Variants in ALDH1L1 observed in about 807,000 individuals in gnomAD.
ALDH1L1 encodes cytosolic 10-formyltetrahydrofolate dehydrogenase.
Under a neutral mutation model 101.1 loss-of-function variants are expected in ALDH1L1, and 68 were observed. The observed-to-expected ratio is 0.67, with a 90% CI of 0.55 to 0.82. ALDH1L1 has a LOEUF of 0.82. Ranked by LOEUF, ALDH1L1 falls within the 40% of genes least tolerant of loss-of-function variation. The pLI is 0.00. For missense variants in ALDH1L1, 1,087 were observed against 1,172.7 expected (o/e 0.93, Z 1.07); for synonymous variants, 486 against 470.8 (o/e 1.03, Z -0.42).
At chr3:126,174,358 G>T (rs1481504196) in intron 1 of ALDH1L1, among the ~76,000 whole-genome samples, 1 of 152,208 alleles carries the variant, frequency 6.6e-6, no homozygotes, top group South Asian at 2.1e-4. Context: ...GATCCAGCAG[G>T]CTGGAAATCA....
intron 9 of ALDH1L1, among the ~76,000 whole-genome samples, chr3:126,143,705 A>C (rs2080615017): frequency 6.6e-6 from 1 of 152,326 alleles, no homozygotes; most frequent in East Asian, 1.9e-4. Flanking sequence ...CCTGTAATTC[A>C]AGCACTGTGG....
intron 9 of ALDH1L1, 23 bp from the exon 10 acceptor site, chr3:126,137,983 T>C (rs199706255): frequency 6.2e-7 from 1 of 1,613,570 alleles, no homozygotes; most frequent in South Asian, 1.1e-5. Context: ...GATGGAAAGA[T>C]GGGGACACGG....
intron 13 of ALDH1L1, 133 bp from the exon 14 acceptor site, chr3:126,130,426 G>A: frequency 2.9e-6 from 2 of 701,484 alleles, no homozygotes; most frequent in Non-Finnish European, 4.2e-6. Flanking sequence ...AGGCTTGAGA[G>A]ACAGGCAGGG....
At position 126,154,511 on chromosome 3, in the gene ALDH1L1, A is replaced by T. The variant is rs1460389112; in HGVS notation, c.720+43T>A. The T allele has an allele frequency of 3.2e-6, 5 of 1,575,848 alleles. No individual in the cohort carries two copies. In the South Asian group the frequency reaches 5.5e-5, roughly 17 times the overall value. On this transcript the variant is annotated intron_variant, in intron 6 of 22. Coordinates refer to ENST00000393434, the MANE Select transcript of ALDH1L1 (RefSeq NM_012190.4). ...GTGACAGTTTAATGGCCAGTGGGAT[A>T]CACCAATGCACGTGGCTGGATTCCA...
At chr3:126,109,195 G>A (rs564799804) in intron 20 of ALDH1L1, among the ~76,000 whole-genome samples, 8 of 152,186 alleles carry the variant, frequency 5.3e-5, no homozygotes, top group Admixed American at 1.3e-4. Flanking sequence ...TGCAAGGCCC[G>A]GTCTAGGCAC....
At chr3:126,178,810 G>A (rs1420304994) in intron 1 of ALDH1L1, among the ~76,000 whole-genome samples, 1 of 152,044 alleles carries the variant, frequency 6.6e-6, no homozygotes, top group Admixed American at 6.5e-5. Flanking sequence ...TAAAAGCCTA[G>A]AAGAATTTAC....
intron 22 of ALDH1L1, chr3:126,104,920 A>G (rs1445031879): frequency 6.5e-6 from 1 of 153,570 alleles, no homozygotes; most frequent in African/African-American, 2.4e-5. Flanking sequence ...GGACCTTGCC[A>G]GCCACCCTTG....
chr3:126,157,385 C>G lies in ALDH1L1; in HGVS notation c.486G>C (p.Thr162=), dbSNP rs191961724. 1 of 1,614,060 alleles carries G rather than the reference C, an allele frequency of 6.2e-7. No homozygotes were observed. Among genetic ancestry groups the G allele is most frequent in the Non-Finnish European group, 8.5e-7 (1 of 1,179,996 alleles). Residue 162 remains threonine, a synonymous_variant, in exon 4 of 23, where the codon ACG becomes ACC. Transcript: ENST00000393434. ...CEVLPDDTVS[T]LYNRFLFPEG... is the part of the protein sequence containing the mutation. ...CAGGGAAGAGGAAGCGGTTGTACAG[C>G]GTGCTCACGGTGTCGTCCGGGAGCA...
chr3:126,190,260 T>A (rs2081544262), intron 1 of ALDH1L1, among the ~76,000 whole-genome samples: 1 of 152,202 alleles, frequency 6.6e-6, no homozygotes, highest in South Asian at 2.1e-4. Flanking sequence ...GTGGTAGAAA[T>A]AAATACACCA....
chr3:126,163,766 T>C (rs2081108733), intron 1 of ALDH1L1, among the ~76,000 whole-genome samples: 1 of 152,222 alleles, frequency 6.6e-6, no homozygotes, highest in African/African-American at 2.4e-5. Flanking sequence ...TTGACCATGA[T>C]GTATAACCTT....
Position 126,107,023 on chromosome 3 carries a change from C to T in ALDH1L1, c.2453+118G>A, listed in dbSNP as rs1268948156. On this transcript the variant is annotated intron_variant, in intron 21 of 22. Coordinates refer to ENST00000393434, the MANE Select transcript of ALDH1L1 (RefSeq NM_012190.4). ...GCACAAGCGGGGTGTCCACGGCTTG[C>T]GCCCTGCCTGAGTTCTCCTCCTGAC... is the stretch of plus-strand genomic sequence containing the variant. The T allele has an allele frequency of 6.5e-5, 59 of 904,608 alleles. No homozygotes were observed. In the East Asian group the frequency reaches 9.0e-4, roughly 14 times the overall value. 56.0% of individuals were successfully genotyped at this position (904,608 alleles called of 1,614,324 possible).
chr3:126,195,028 C>T (rs1379012458), intron 1 of ALDH1L1, among the ~76,000 whole-genome samples: 1 of 151,342 alleles, frequency 6.6e-6, no homozygotes, highest in Non-Finnish European at 1.5e-5. Flanking sequence ...AAAAATTTAC[C>T]ATGCGAGATC....
rs762489411 is a variant in ALDH1L1 at position 126,150,480 on chromosome 3, T to C, written c.910A>G (p.Asn304Asp). ...LEDGKMILAS[N>D]FFKGAASSVL... is the part of the protein sequence containing the mutation. ...CTGCTGGCTGCCCCCTTAAAGAAGTTCGAGGCCAGGATCATTTTGCCATCC... is the reference window on the plus strand; with the variant it reads ...CTGCTGGCTGCCCCCTTAAAGAAGTCCGAGGCCAGGATCATTTTGCCATCC... Residue 304 changes from asparagine to aspartate, a missense_variant, in exon 8 of 23, where the codon AAC becomes GAC. This residue lies in a region of ALDH1L1 where 645 missense variants were observed against 637.0 expected (regional missense o/e 1.01). Transcript: ENST00000393434. The C allele has an allele frequency of 1.3e-6, 2 of 1,551,596 alleles. No homozygotes were observed. The highest frequency in any genetic ancestry group is 1.2e-5 in the South Asian group (1 of 84,054).
intron 10 of ALDH1L1, 107 bp downstream of exon 10, chr3:126,137,706 G>T (rs2080477184): frequency 6.9e-7 from 1 of 1,456,080 alleles, no homozygotes; most frequent in Non-Finnish European, 9.2e-7. Context: ...GGCTCCTGGG[G>T]CCCTGGCTTT....
At chr3:126,129,841 C>G (rs1039404798) in intron 14 of ALDH1L1, 2 of 155,838 alleles carry the variant, frequency 1.3e-5, no homozygotes, top group South Asian at 2.0e-4. Context: ...TGGCATCCAG[C>G]GGGGTCCGAA....
intron 22 of ALDH1L1, chr3:126,105,491 T>A (rs4646755): frequency 1.8e-6 from 1 of 561,334 alleles, no homozygotes; most frequent in South Asian, 1.9e-5. Context: ...GCCTCCTGGC[T>A]GGAGTGTCTC....
chr3:126,121,060 A>G (rs1248492555), intron 16 of ALDH1L1, among the ~76,000 whole-genome samples: 9 of 152,196 alleles, frequency 5.9e-5, no homozygotes, highest in Admixed American at 5.9e-4. Context: ...GCCCTGATCC[A>G]AAATGACCAG....
chr3:126,125,621 C>T lies in ALDH1L1; in HGVS notation c.1795G>A (p.Ala599Thr). The change falls in exon 15 of 23, where the codon GCT becomes ACT. Residue 599 changes from alanine (A) to threonine (T), a missense_variant. Transcript: ENST00000393434. ...AAGNTVVIKP[A>T]QVTPLTALKF... ...CAGAGTGAACCCACGCTCACCTGAG[C>T]AGGCTTGATCACCACTGTGTTCCCG... is the stretch of plus-strand genomic sequence containing the variant. 1 of 1,573,642 alleles carries T rather than the reference C, an allele frequency of 6.4e-7. No individual in the cohort carries two copies. The highest frequency in any genetic ancestry group is 1.2e-5 in the South Asian group (1 of 84,720).
chr3:126,157,639 G>T, intron 3 of ALDH1L1, 131 bp from the exon 4 acceptor site: 1 of 976,816 alleles, frequency 1.0e-6, no homozygotes. Context: ...CACCGGCTCC[G>T]GCGGGAAACG....
Sources: allele counts gnomAD v4.1 joint callset (sites outside exome capture counted in the v4.1 genomes callset), GRCh38; gene constraint gnomAD v4.1.1; regional missense constraint gnomAD v4.1.1; transcripts MANE v1.5; gene names NCBI Gene and HGNC (gene_info 2026-07-23, HGNC 2026-07-21).